Variants in PHLDB2 observed in about 807,000 individuals in gnomAD.
PHLDB2 encodes the protein pleckstrin homology like domain family B member 2, also known as pleckstrin homology-like domain family B member 2.
PHLDB2 carries 71 observed loss-of-function variants against 123.6 expected under a neutral mutation model. The ratio of observed to expected loss-of-function variants is 0.57; its 90% confidence interval spans 0.47 to 0.70. PHLDB2 has a LOEUF of 0.70. Among genes scored for constraint, PHLDB2 ranks in the 30% least tolerant of loss-of-function variants. The pLI is 0.00. For missense variants in PHLDB2, 1,446 were observed against 1,519.5 expected, an observed-to-expected ratio of 0.95 and a Z score of 0.80; for synonymous variants, 547 against 541.6, an observed-to-expected ratio of 1.01 and a Z score of -0.14.
chr3:111,843,447 G>T lies in PHLDB2; in HGVS notation c.-48-2374G>T, dbSNP rs148909169. Among the ~76,000 whole-genome samples the T allele has an allele frequency of 6.6e-5, 10 of 152,340 alleles. 1 individual carries two copies. The East Asian group carries it at 1.9e-3, about 29-fold the overall frequency. On this transcript the variant is annotated intron_variant, in intron 1 of 17. Transcript: ENST00000393923. ...GCTCTGTTGCCCAGGCTGGAGCACA[G>T]TAGCATGATCAGAGCTCACTGCAGC...
intron 6 of PHLDB2, among the ~76,000 whole-genome samples, chr3:111,935,021 T>A (rs1448148526): frequency 6.6e-6 from 1 of 151,810 alleles, no homozygotes; most frequent in Non-Finnish European, 1.5e-5. Flanking sequence ...ACAAGAAAAC[T>A]GTCCCAGCCA....
intron 1 of PHLDB2, among the ~76,000 whole-genome samples, chr3:111,789,907 A>T (rs1365238873): frequency 2.0e-5 from 3 of 152,162 alleles, no homozygotes. Context: ...TTTGGTTCTC[A>T]CCACCCCCAT....
At chr3:111,758,116 C>A (rs1024982178) in intron 1 of PHLDB2, among the ~76,000 whole-genome samples, 1 of 152,078 alleles carries the variant, frequency 6.6e-6, no homozygotes. Context: ...GCTGGGAGAA[C>A]CACTGCTCTC....
In PHLDB2 at chr3:111,864,523, GA is replaced by G. The variant is rs199787694; in HGVS notation, c.-15+4951del. On this transcript the variant is annotated intron_variant, in intron 1 of 17. Coordinates refer to ENST00000431670, the MANE Select transcript of PHLDB2 (RefSeq NM_001134438.2). ...TTAAGGATGTTTCTTAGACATTGCA[GA>G]AAAGGAGCTTTGTGCTGTATCTGCT... 8.1e-3 allele frequency among the ~76,000 whole-genome samples: 1,237 copies of G among 152,302 alleles called. 18 individuals are homozygous for G. The highest frequency in any genetic ancestry group is 0.027 in the African/African-American group (1,122 of 41,562).
At chr3:111,790,457 A>G (rs1362120147) in intron 1 of PHLDB2, among the ~76,000 whole-genome samples, 1 of 152,216 alleles carries the variant, frequency 6.6e-6, no homozygotes, top group South Asian at 2.1e-4. Context: ...CACAACTAGT[A>G]GTCTCTTCAT....
intron 1 of PHLDB2, among the ~76,000 whole-genome samples, chr3:111,781,644 A>G (rs2060481090): frequency 1.3e-5 from 2 of 152,164 alleles, no homozygotes; most frequent in South Asian, 2.1e-4. Context: ...GAACAGGCTC[A>G]CATAGATAAC....
chr3:111,839,415 G>T (rs759783608), intron 1 of PHLDB2, among the ~76,000 whole-genome samples: 45 of 152,124 alleles, frequency 3.0e-4, no homozygotes, highest in Non-Finnish European at 4.9e-4. Context: ...CAACAGTGAT[G>T]CGCTCTCTGT....
intron 1 of PHLDB2, among the ~76,000 whole-genome samples, chr3:111,779,367 T>C (rs2060326962): frequency 6.6e-6 from 1 of 151,968 alleles, no homozygotes; most frequent in Admixed American, 6.6e-5. Flanking sequence ...GTACTAAGCG[T>C]AGTACCCAAT....
intron 2 of PHLDB2, among the ~76,000 whole-genome samples, chr3:111,890,911 C>A (rs886419494): frequency 6.6e-6 from 1 of 151,992 alleles, no homozygotes. Context: ...TTTTTGCCAG[C>A]CTTTTCGTTT....
intron 16 of PHLDB2, among the ~76,000 whole-genome samples, chr3:111,972,407 A>G (rs936037167): frequency 2.0e-5 from 3 of 152,182 alleles, no homozygotes; most frequent in Admixed American, 6.5e-5. Context: ...TTTCAGGGCC[A>G]TTATTTTTTA....
intron 1 of PHLDB2, among the ~76,000 whole-genome samples, chr3:111,789,340 T>G (rs2063110550): frequency 6.6e-6 from 1 of 152,214 alleles, no homozygotes; most frequent in South Asian, 2.1e-4. Flanking sequence ...ACGTAGTCAT[T>G]TGTTCAACCA....
intron 1 of PHLDB2, among the ~76,000 whole-genome samples, chr3:111,735,152 A>T (rs1941643505): frequency 6.6e-6 from 1 of 152,064 alleles, no homozygotes; most frequent in African/African-American, 2.4e-5. Context: ...TTCTCAAGGA[A>T]CTCAAGAATT....
intron 1 of PHLDB2, among the ~76,000 whole-genome samples, chr3:111,872,437 C>A (rs1353163762): frequency 6.6e-6 from 1 of 152,194 alleles, no homozygotes; most frequent in African/African-American, 2.4e-5. Context: ...CCTGTTGTCA[C>A]CTTGTCAATG....
chr3:111,946,960 T>C (rs1362744919), intron 9 of PHLDB2, among the ~76,000 whole-genome samples: 1 of 150,884 alleles, frequency 6.6e-6, no homozygotes, highest in Non-Finnish European at 1.5e-5. Flanking sequence ...ATTTTGGAGG[T>C]AGAGTTGACA....
chr3:111,944,523 T>C (rs2070154518), intron 8 of PHLDB2, among the ~76,000 whole-genome samples: 1 of 152,142 alleles, frequency 6.6e-6, no homozygotes, highest in African/African-American at 2.4e-5. Context: ...CACCATAAAG[T>C]TCCCAAAAGA....
At chr3:111,966,518 TGTGTCTGGG>T in intron 13 of PHLDB2, 86 bp from the exon 14 acceptor site, 3 of 596,650 alleles carry the variant, frequency 5.0e-6, no homozygotes, top group Non-Finnish European at 8.2e-6. Context: ...TGTGTGTGTG[TGTGTCTGGG>T]GTGTGTGTGT....
intron 16 of PHLDB2, 102 bp from the exon 17 acceptor site, chr3:111,973,629 TA>T: frequency 1.6e-6 from 1 of 639,442 alleles, no homozygotes; most frequent in South Asian, 2.4e-5. Context: ...TTAGATAAAT[TA>T]AATACTTTGT....
rs1553755187 is a variant in PHLDB2 at position 111,962,946 on chromosome 3, A to AAAAG, written c.3077+646_3077+649dup. 3.4e-3 allele frequency among the ~76,000 whole-genome samples: 492 copies of AAAAG among 143,448 alleles called. 8 individuals are homozygous for AAAAG. Among genetic ancestry groups the AAAAG allele is most frequent in the South Asian group, 0.011 (49 of 4,640 alleles). 94.1% of individuals were successfully genotyped at this position (143,448 alleles called of 152,430 possible). ...CTCCATCTCAAAAAAAAAAAAAAAA[A>AAAAG]AAAGAAAGAAAGAAAAAGAAAAGGA... is the stretch of plus-strand genomic sequence containing the variant. On this transcript the variant is annotated intron_variant, in intron 13 of 17. Coordinates refer to ENST00000431670, the MANE Select transcript of PHLDB2 (RefSeq NM_001134438.2).
At chr3:111,777,319 A>G (rs1193830760) in intron 1 of PHLDB2, among the ~76,000 whole-genome samples, 1 of 152,164 alleles carries the variant, frequency 6.6e-6, no homozygotes, top group Admixed American at 6.6e-5. Context: ...TTGACCCAGT[A>G]TGATCTTCTA....
Sources: allele counts gnomAD v4.1 joint callset (sites outside exome capture counted in the v4.1 genomes callset), GRCh38; gene constraint gnomAD v4.1.1; transcripts MANE v1.5; gene names NCBI Gene and HGNC (gene_info 2026-07-23, HGNC 2026-07-21).